The following PTPRG variants were observed in gnomAD, a reference collection of about 807,000 sequenced individuals.
PTPRG encodes the protein receptor-type tyrosine-protein phosphatase gamma.
Under a neutral mutation model 165.3 loss-of-function variants are expected in PTPRG, and 102 were observed. That is an observed-to-expected ratio of 0.62 (90% CI 0.53 to 0.73). PTPRG has a LOEUF of 0.73. Ranked by LOEUF, PTPRG falls within the 30% of genes least tolerant of loss-of-function variation. The pLI, the probability that PTPRG is intolerant of heterozygous loss-of-function variation, is 0.00. For synonymous variants in PTPRG, 675 were observed against 669.5 expected, an observed-to-expected ratio of 1.01 and a Z score of -0.13; for missense variants, 1,866 against 1,861.4, an observed-to-expected ratio of 1.00 and a Z score of -0.05.
intron 1 of PTPRG, among the ~76,000 whole-genome samples, chr3:61,591,882 C>T (rs886265538): frequency 6.6e-6 from 1 of 152,096 alleles, no homozygotes; most frequent in African/African-American, 2.4e-5. Flanking sequence ...ACTTGATTTC[C>T]CCAAGGATCC....
At chr3:61,665,125 A>T (rs912160105) in intron 1 of PTPRG, among the ~76,000 whole-genome samples, 6 of 152,138 alleles carry the variant, frequency 3.9e-5, no homozygotes, top group African/African-American at 1.4e-4. Context: ...TGAAATTCTT[A>T]GGAAAGGAAA....
At position 62,214,329 on chromosome 3, in the gene PTPRG, C is replaced by T. The variant is rs1282045257; in HGVS notation, c.2156-4522C>T. 1.3e-5 allele frequency among the ~76,000 whole-genome samples: 2 copies of T among 152,058 alleles called. No homozygotes were observed. The highest frequency in any genetic ancestry group is 2.9e-5 in the Non-Finnish European group (2 of 67,986). On this transcript the variant is annotated intron_variant, in intron 12 of 29. Transcript: ENST00000474889. This position sits in a 1 kb window ranked among gnomAD's most constrained non-coding sequence, Gnocchi z 5.2. Reference sequence around the variant, plus strand: ...GGATGGTGGCGGGTGATGGTGTTGCCGAAGCTGGGGTGGTGGTGATGACAA... The same window carrying T: ...GGATGGTGGCGGGTGATGGTGTTGCTGAAGCTGGGGTGGTGGTGATGACAA...
chr3:62,093,579 A>C (rs1488337936), intron 5 of PTPRG, among the ~76,000 whole-genome samples: 1 of 152,184 alleles, frequency 6.6e-6, no homozygotes, highest in Non-Finnish European at 1.5e-5. Flanking sequence ...TATGACTGGC[A>C]CCAGAGGACG....
At chr3:62,054,088 G>C (rs924527512) in intron 4 of PTPRG, among the ~76,000 whole-genome samples, 1 of 152,140 alleles carries the variant, frequency 6.6e-6, no homozygotes, top group Non-Finnish European at 1.5e-5. Context: ...ACATCTATGA[G>C]CGTACTGACT....
chr3:61,995,050 T>TTTTTTTC (rs1247457685), intron 3 of PTPRG, among the ~76,000 whole-genome samples: 10 of 112,624 alleles, frequency 8.9e-5, no homozygotes, highest in East Asian at 4.2e-4. Flanking sequence ...TTACAGGTTT[T>TTTTTTTC]TTTTTTCTTT....
intron 2 of PTPRG, among the ~76,000 whole-genome samples, chr3:61,954,528 A>G (rs1449216799): frequency 6.6e-6 from 1 of 152,130 alleles, no homozygotes; most frequent in African/African-American, 2.4e-5. Context: ...TGAGGTAAGC[A>G]ATAGGGACCT....
At chr3:62,048,589 T>C (rs1205467773) in intron 4 of PTPRG, among the ~76,000 whole-genome samples, 1 of 152,236 alleles carries the variant, frequency 6.6e-6, no homozygotes, top group African/African-American at 2.4e-5. Context: ...TATAAACTTA[T>C]CTCTTCTTAC....
At chr3:61,931,843 A>G (rs929939708) in intron 2 of PTPRG, among the ~76,000 whole-genome samples, 6 of 152,184 alleles carry the variant, frequency 3.9e-5, no homozygotes, top group Non-Finnish European at 8.8e-5. Flanking sequence ...ATGTTATGAC[A>G]AACTCTCATG....
intron 2 of PTPRG, among the ~76,000 whole-genome samples, chr3:61,896,929 C>A (rs927839128): frequency 6.8e-6 from 1 of 146,072 alleles, no homozygotes; most frequent in Non-Finnish European, 1.5e-5. Context: ...TTCCTTCTTA[C>A]TATTAAATTT....
At chr3:61,768,363 C>T (rs111742491) in intron 2 of PTPRG, among the ~76,000 whole-genome samples, 1 of 152,078 alleles carries the variant, frequency 6.6e-6, no homozygotes, top group African/African-American at 2.4e-5. Flanking sequence ...AAATAATTTT[C>T]CTGGTTTCTC....
intron 1 of PTPRG, among the ~76,000 whole-genome samples, chr3:61,610,083 T>C (rs28520396): frequency 4.7e-5 from 7 of 150,010 alleles, no homozygotes; most frequent in Non-Finnish European, 8.8e-5. Flanking sequence ...GATACCACAC[T>C]GCCTGGGTTT....
intron 1 of PTPRG, among the ~76,000 whole-genome samples, chr3:61,626,023 T>G (rs7637680): frequency 0.05 from 5,438 of 109,768 alleles, 148 homozygotes; most frequent in Non-Finnish European, 0.061. Flanking sequence ...TTTTTTTTTT[T>G]GGGGGGGCGG....
intron 4 of PTPRG, among the ~76,000 whole-genome samples, chr3:62,014,699 T>G (rs1228831632): frequency 6.6e-6 from 1 of 152,214 alleles, no homozygotes; most frequent in Non-Finnish European, 1.5e-5. Context: ...CCTCTGTGTT[T>G]GCTTCTTTGA....
At chr3:62,116,123 C>A (rs903050751) in intron 5 of PTPRG, among the ~76,000 whole-genome samples, 1 of 152,140 alleles carries the variant, frequency 6.6e-6, no homozygotes, top group Non-Finnish European at 1.5e-5. Flanking sequence ...TGCCCAAAGT[C>A]AACCAGCTAA....
intron 4 of PTPRG, among the ~76,000 whole-genome samples, chr3:62,018,924 C>T (rs11714602): frequency 0.053 from 8,140 of 152,192 alleles, 295 homozygotes; most frequent in Non-Finnish European, 0.081. Flanking sequence ...TTGGAATGGA[C>T]AGTGGTGTGC....
chr3:62,026,887 A>AAAAAAAAAAAAAAAAAAAG (rs2041816696), intron 4 of PTPRG, among the ~76,000 whole-genome samples: 1 of 151,462 alleles, frequency 6.6e-6, no homozygotes, highest in Non-Finnish European at 1.5e-5. Flanking sequence ...ATTAAAAAAA[A>AAAAAAAAAAAAAAAAAAAG]AAAAAAAGAT....
At chr3:61,581,117 A>G (rs558093461) in intron 1 of PTPRG, among the ~76,000 whole-genome samples, 2 of 152,330 alleles carry the variant, frequency 1.3e-5, no homozygotes, top group Admixed American at 1.3e-4. Context: ...CCATGTAGCC[A>G]GGGATGAATT....
At chr3:62,019,407 C>G (rs1559749953) in intron 4 of PTPRG, among the ~76,000 whole-genome samples, 1 of 151,646 alleles carries the variant, frequency 6.6e-6, no homozygotes, top group Non-Finnish European at 1.5e-5. Flanking sequence ...TCTGTGGTCC[C>G]AGCTACTTGG....
intron 5 of PTPRG, among the ~76,000 whole-genome samples, chr3:62,100,720 A>T (rs1168555107): frequency 6.6e-6 from 1 of 152,274 alleles, no homozygotes; most frequent in African/African-American, 2.4e-5. Context: ...TAGCCATGGA[A>T]TAAATACTAG....
Sources: allele counts gnomAD v4.1 joint callset (sites outside exome capture counted in the v4.1 genomes callset), GRCh38; gene constraint gnomAD v4.1.1; non-coding constraint Gnocchi (gnomAD v3.1); transcripts MANE v1.5; gene names NCBI Gene and HGNC (gene_info 2026-07-23, HGNC 2026-07-21).